Variants in ZFYVE19 observed in about 807,000 individuals in gnomAD.
ZFYVE19 encodes zinc finger FYVE-type containing 19.
In ZFYVE19, 49 loss-of-function variants were observed where a neutral mutation model predicts 62.8. That is an observed-to-expected ratio of 0.78 (90% confidence interval 0.62 to 0.99). ZFYVE19 has a LOEUF of 0.99. ZFYVE19 is among the 50% of genes least tolerant of loss of function. The pLI is 0.00. For missense variants in ZFYVE19, 630 were observed against 601.9 expected (o/e 1.05, Z -0.49); for synonymous variants, 242 against 234.3 (o/e 1.03, Z -0.30).
chr15:40,808,911 TA>T, intron 1 of ZFYVE19: 1 of 580,526 alleles, frequency 1.7e-6, no homozygotes, highest in Non-Finnish European at 3.0e-6. Context: ...GAATTTTGTA[TA>T]AACCTTCATT....
chr15:40,813,059 AG>A (rs1160846703), intron 7 of ZFYVE19, among the ~76,000 whole-genome samples, 157 bp downstream of exon 7: 1 of 152,158 alleles, frequency 6.6e-6, no homozygotes, highest in Non-Finnish European at 1.5e-5. Flanking sequence ...GTGAGGAGTC[AG>A]GGGCAGCCAT....
Position 40,810,727 on chromosome 15 carries a change from A to T in ZFYVE19, c.796A>T (p.Ile266Phe). ...LLTQLAAEVAIDESWKGGGPA... is the reference protein window; with the variant it reads ...LLTQLAAEVAFDESWKGGGPA... ...AACGCAGCTGGCAGCTGAGGTGGCT[A>T]TCGATGAAAGCTGGAAAGGAGGAGG... The change falls in exon 6 of 11, where the codon ATC becomes TTC. Residue 266 changes from isoleucine (I) to phenylalanine (F), a missense_variant. Physicochemically the swap from Ile to Phe is conservative, Grantham distance 21. Transcript: ENST00000355341. 3 of 1,568,688 alleles carry T rather than the reference A, an allele frequency of 1.9e-6. No homozygotes were observed. The highest frequency in any genetic ancestry group is 2.6e-6 in the Non-Finnish European group (3 of 1,156,432).
intron 5 of ZFYVE19, 119 bp from the exon 6 acceptor site, chr15:40,810,530 A>T (rs959681329): frequency 2.0e-6 from 3 of 1,475,250 alleles, no homozygotes; most frequent in South Asian, 1.4e-5. Context: ...CTACTTGATT[A>T]TGTGGGCCCT....
chr15:40,814,061 G>A lies in ZFYVE19; in HGVS notation c.1328G>A (p.Arg443His), dbSNP rs560441369. ...AGCDGDLFCA[R>H]CFREGHDAFE... ...TGCGATGGGGACCTCTTCTGTGCCC[G>A]CTGCTTCCGGTGGGTGCAGGTGGAA... The change falls in exon 10 of 11, where the codon CGC becomes CAC. Residue 443 changes from arginine to histidine, a missense_variant. Arg to His is a conservative substitution (Grantham distance 29). Coordinates refer to ENST00000355341, the MANE Select transcript of ZFYVE19 (RefSeq NM_001077268.2). 6.8e-6 allele frequency: 11 copies of A among 1,614,010 alleles called. No homozygotes were observed. The highest frequency in any genetic ancestry group is 3.3e-5 in the Admixed American group (2 of 60,018).
At chr15:40,810,049 G>C (rs373074538) in intron 4 of ZFYVE19, 22 bp from the exon 5 acceptor site, 140 of 1,614,060 alleles carry the variant, frequency 8.7e-5, no homozygotes, top group Admixed American at 7.5e-4. Context: ...CCCTTACAAG[G>C]CTCCCCCCAT....
intron 7 of ZFYVE19, 56 bp from the exon 8 acceptor site, chr15:40,813,282 G>A: frequency 1.3e-6 from 2 of 1,558,198 alleles, no homozygotes; most frequent in East Asian, 4.6e-5. Context: ...AGCCACTCAT[G>A]TGAAATCTCT....
chr15:40,810,334 T>C, intron 5 of ZFYVE19, 118 bp downstream of exon 5: 1 of 1,457,826 alleles, frequency 6.9e-7, no homozygotes, highest in Admixed American at 2.5e-5. Flanking sequence ...TACTTTTAAT[T>C]GCAAAAACCT....
rs757000738 is a variant in ZFYVE19 at position 40,813,967 on chromosome 15, G to A, written c.1234G>A (p.Glu412Lys). 1 of 1,612,476 alleles carries A rather than the reference G, an allele frequency of 6.2e-7. No individual in the cohort carries two copies. The highest frequency in any genetic ancestry group is 8.5e-7 in the Non-Finnish European group (1 of 1,179,114). The change falls in exon 10 of 11, where the codon GAG becomes AAG. Residue 412 changes from glutamate (E) to lysine (K), a missense_variant. Glu to Lys is a moderately conservative substitution (Grantham distance 56, BLOSUM62 1). Transcript: ENST00000355341. The part of the protein sequence containing the change: ...PEAQDVDPRP[E>K]AEEEELPWCC... ...GGCCCAGGATGTGGACCCCAGGCCTGAGGCTGAGGAAGAGGAGCTCCCCTG... is the reference window on the plus strand; with the variant it reads ...GGCCCAGGATGTGGACCCCAGGCCTAAGGCTGAGGAAGAGGAGCTCCCCTG...
chr15:40,809,675 C>G (rs967524851), intron 3 of ZFYVE19, among the ~76,000 whole-genome samples, 177 bp from the exon 4 acceptor site: 1 of 152,194 alleles, frequency 6.6e-6, no homozygotes, highest in African/African-American at 2.4e-5. Context: ...GCTGGACCGT[C>G]TGGCTGGTCA....
At position 40,807,564 on chromosome 15, in the gene ZFYVE19, A is replaced by T; in HGVS notation, c.-26A>T. On this transcript the variant is annotated 5_prime_UTR_variant, in exon 1 of 11. Coordinates refer to ENST00000355341, the MANE Select transcript of ZFYVE19 (RefSeq NM_001077268.2). ...TTGTGTTCTGGGTCAGGCTTGACTG[A>T]CTCTGAGGGAGGCCGGCAGTCGTGA... is the stretch of plus-strand genomic sequence containing the variant. 1 of 1,606,814 alleles carries T rather than the reference A, an allele frequency of 6.2e-7. No homozygotes were observed. Among genetic ancestry groups the T allele is most frequent in the Non-Finnish European group, 8.5e-7 (1 of 1,175,828 alleles).
At chr15:40,812,557 AAAAGAAAGAAAGAAAG>A (rs1181376902) in intron 6 of ZFYVE19, 126 bp from the exon 7 acceptor site, 5 of 465,064 alleles carry the variant, frequency 1.1e-5, no homozygotes, top group African/African-American at 2.5e-5. Flanking sequence ...AAAAAAAAAA[AAAAGAAAGAAAGAAAG>A]AAAGAAAGAA....
In ZFYVE19 at chr15:40,807,611, C is replaced by T. The variant is rs201515693; in HGVS notation, c.22C>T (p.Pro8Ser). MNYDSQQ[P>S]PLPPLPYAGC... ...GTGAATGAACTACGACTCCCAGCAG[C>T]CCCCGTTGCCGCCGCTGCCGTACGC... Residue 8 changes from proline to serine, a missense_variant, in exon 1 of 11, where the codon CCC becomes TCC. By Grantham distance (74) the Pro-to-Ser change is moderately conservative (BLOSUM62 -1). Transcript: ENST00000355341. 385 of 1,612,740 alleles carry T rather than the reference C, an allele frequency of 2.4e-4. No individual in the cohort carries two copies. The African/African-American group carries it at 4.6e-3, about 19-fold the overall frequency.
Position 40,813,183 on chromosome 15 carries a change from G to C in ZFYVE19, c.1031-155G>C, listed in dbSNP as rs1032116288. ...CAGCCCTGCAGGGCTGGGGCAGGCA[G>C]GGACAGGTCATCAGGGTGGCTGAAG... On this transcript the variant is annotated intron_variant, in intron 7 of 10. Coordinates refer to ENST00000355341, the MANE Select transcript of ZFYVE19 (RefSeq NM_001077268.2). The C allele has an allele frequency of 4.1e-6, 3 of 723,530 alleles. No individual in the cohort carries two copies. In the African/African-American group the frequency reaches 5.3e-5, roughly 13 times the overall value. 44.8% of individuals were successfully genotyped at this position (723,530 alleles called of 1,614,324 possible). A position where few individuals can be genotyped will look rare whatever the true frequency, so the allele number is the denominator to read the frequency against.
At chr15:40,808,803 T>C in intron 1 of ZFYVE19, 1 of 333,352 alleles carries the variant, frequency 3.0e-6, no homozygotes, top group South Asian at 3.4e-5. Flanking sequence ...TCTCTGATTC[T>C]CCTTTGTGGA....
chr15:40,807,119 G>A lies in ZFYVE19; in HGVS notation c.-471G>A, dbSNP rs1380708629. 3 of 913,212 alleles carry A rather than the reference G, an allele frequency of 3.3e-6. No homozygotes were observed. Among genetic ancestry groups the A allele is most frequent in the African/African-American group, 3.4e-5 (2 of 59,564 alleles). The allele number at this position is 913,212 out of a possible 1,614,324, so 56.6% of individuals were successfully genotyped here. A position where few individuals can be genotyped will look rare whatever the true frequency, so the allele number is the denominator to read the frequency against. ...TTGCTGCCTCGCCCCGCGGCCTCTA[G>A]GAGACAGGGGCCACGGGGAGAGCAC... On this transcript the variant is annotated 5_prime_UTR_variant, in exon 1 of 11. Transcript: ENST00000355341.
intron 6 of ZFYVE19, 97 bp from the exon 7 acceptor site, chr15:40,812,602 A>C (rs1890528363): frequency 1.1e-6 from 1 of 882,426 alleles, no homozygotes. Flanking sequence ...AAAATTATTA[A>C]AGAAAAAGAA....
At position 40,807,388 on chromosome 15, in the gene ZFYVE19, T is replaced by G; in HGVS notation, c.-202T>G. Reference sequence around the variant, plus strand: ...TCTCACCTCTTTGTCCGCTGCCTTCTCCTCAATGCCTAGCAGCGCGTACAG... The same window carrying G: ...TCTCACCTCTTTGTCCGCTGCCTTCGCCTCAATGCCTAGCAGCGCGTACAG... On this transcript the variant is annotated 5_prime_UTR_variant, in exon 1 of 11. Coordinates refer to ENST00000355341, the MANE Select transcript of ZFYVE19 (RefSeq NM_001077268.2). 1 of 1,614,268 alleles carries G rather than the reference T, an allele frequency of 6.2e-7. No homozygotes were observed. The highest frequency in any genetic ancestry group is 1.7e-5 in the Admixed American group (1 of 60,034).
chr15:40,808,481 C>A, intron 1 of ZFYVE19: 1 of 1,481,802 alleles, frequency 6.7e-7, no homozygotes, highest in Non-Finnish European at 9.0e-7. Context: ...GTGCAGCATT[C>A]ACCAACCTGG....
chr15:40,809,843 T>C lies in ZFYVE19; in HGVS notation c.453-9T>C. On this transcript the variant is annotated splice_polypyrimidine_tract_variant and intron_variant, in intron 3 of 10. Coordinates refer to ENST00000355341, the MANE Select transcript of ZFYVE19 (RefSeq NM_001077268.2). ...CTTCTTCAAGAGCCTCTATCTCATA[T>C]CCTGCCAGGCGTGTGGCAGCCTTGG... is the stretch of plus-strand genomic sequence containing the variant. 1 of 1,613,926 alleles carries C rather than the reference T, an allele frequency of 6.2e-7. No individual in the cohort carries two copies. The highest frequency in any genetic ancestry group is 2.2e-5 in the East Asian group (1 of 44,890).
Sources: gnomAD v4.1 joint callset for allele counts (sites outside exome capture counted in the v4.1 genomes callset) on GRCh38, gnomAD v4.1.1 for gene constraint, MANE v1.5 for transcripts, NCBI Gene and HGNC (gene_info 2026-07-23, HGNC 2026-07-21) for gene names.